The following CSF1 variants were observed in gnomAD, a reference collection of about 807,000 sequenced individuals.
CSF1 encodes the protein colony stimulating factor 1, also known as macrophage colony-stimulating factor 1.
A neutral mutation model predicts 48.9 loss-of-function variants in CSF1; 9 were observed. The observed-to-expected ratio is 0.18, with a 90% CI of 0.11 to 0.32. The LOEUF is 0.32. Ranked by LOEUF, CSF1 falls within the 10% of genes least tolerant of loss-of-function variation. The pLI is 1.00. For synonymous variants in CSF1, 305 were observed against 284.1 expected (o/e 1.07, Z -0.74); for missense variants, 672 against 697.9 (o/e 0.96, Z 0.42).
In CSF1 at chr1:109,923,357, C is replaced by T. The variant is rs1406178434; in HGVS notation, c.736C>T (p.Pro246Ser). 1 of 1,612,414 alleles carries T rather than the reference C, an allele frequency of 6.2e-7. No homozygotes were observed. The highest frequency in any genetic ancestry group is 1.3e-5 in the African/African-American group (1 of 75,026). The change falls in exon 6 of 9, where the codon CCA (proline) becomes TCA (serine). Residue 246 changes from proline to serine, a missense_variant. Physicochemically the swap from Pro to Ser is moderately conservative, Grantham distance 74 (BLOSUM62 -1). This residue lies in a region of CSF1 where 591 missense variants were observed against 593.6 expected (regional missense o/e 1.00). Coordinates refer to ENST00000329608, the MANE Select transcript of CSF1 (RefSeq NM_000757.6). Reference sequence around the variant, plus strand: ...TGAGCAGCCCCTGCACACAGTGGATCCAGGCAGTGCCAAGCAGCGGCCACC... The same window carrying T: ...TGAGCAGCCCCTGCACACAGTGGATTCAGGCAGTGCCAAGCAGCGGCCACC... ...PGEQPLHTVDPGSAKQRPPRS... is the reference protein window; with the variant it reads ...PGEQPLHTVDSGSAKQRPPRS...
At chr1:109,914,595 G>T (rs1654821436) in intron 2 of CSF1, among the ~76,000 whole-genome samples, 1 of 152,272 alleles carries the variant, frequency 6.6e-6, no homozygotes, top group African/African-American at 2.4e-5. Context: ...CTCTCTGACT[G>T]CCCTGCAGGC....
chr1:109,912,344 C>A (rs151326569), intron 1 of CSF1, among the ~76,000 whole-genome samples: 4 of 152,152 alleles, frequency 2.6e-5, no homozygotes, highest in South Asian at 2.1e-4. Context: ...ACTGAGGTGT[C>A]CTAGCATCTC....
intron 4 of CSF1, among the ~76,000 whole-genome samples, chr1:109,920,175 G>C (rs866748764): frequency 5.4e-4 from 81 of 149,830 alleles, no homozygotes; most frequent in African/African-American, 1.9e-3. Context: ...GAGGGAGAGT[G>C]AGAGTGAGAC....
chr1:109,914,166 G>A, intron 1 of CSF1, 93 bp from the exon 2 acceptor site: 1 of 1,366,956 alleles, frequency 7.3e-7, no homozygotes, highest in Admixed American at 2.5e-5. Context: ...TAGCATTGTA[G>A]ATATGAGGCC....
chr1:109,925,048 G>A, intron 7 of CSF1, 99 bp from the exon 8 acceptor site: 1 of 1,174,190 alleles, frequency 8.5e-7, no homozygotes, highest in African/African-American at 1.5e-5. Context: ...AATCTGAGAG[G>A]GCCTAGAGCA....
intron 2 of CSF1, 24 bp from the exon 3 acceptor site, chr1:109,915,610 T>C (rs1453986877): frequency 1.2e-6 from 2 of 1,607,148 alleles, no homozygotes; most frequent in Admixed American, 3.3e-5. Flanking sequence ...TACCCTGCAA[T>C]CGTTGGCCTG....
chr1:109,920,757 A>C (rs961451248), intron 4 of CSF1, among the ~76,000 whole-genome samples: 1 of 152,198 alleles, frequency 6.6e-6, no homozygotes, highest in Non-Finnish European at 1.5e-5. Context: ...TCTGTGATTC[A>C]GTGGCATTTA....
chr1:109,918,462 A>G (rs912269468), intron 4 of CSF1, among the ~76,000 whole-genome samples: 3 of 152,182 alleles, frequency 2.0e-5, no homozygotes, highest in Non-Finnish European at 4.4e-5. Context: ...GGAGGCTGGG[A>G]GACCAGCAGA....
rs749270157 is a variant in CSF1 at position 109,923,596 on chromosome 1, C to T, written c.975C>T (p.Pro325=). 1.2e-6 allele frequency: 2 copies of T among 1,614,196 alleles called. No individual in the cohort carries two copies. Among genetic ancestry groups the T allele is most frequent in the South Asian group, 2.2e-5 (2 of 91,088 alleles). The change falls in exon 6 of 9, where the codon CCC becomes CCT. Residue 325 remains proline (P), a synonymous_variant. Transcript: ENST00000329608. ...IPVPQGTELS[P]SRPGGGSMQT... ...TACCCCAAGGGACAGAGCTTTCCCC[C>T]TCCAGGCCAGGAGGGGGCAGCATGC...
chr1:109,914,054 G>T (rs967738572), intron 1 of CSF1, among the ~76,000 whole-genome samples: 2 of 152,208 alleles, frequency 1.3e-5, no homozygotes, highest in South Asian at 4.1e-4. Context: ...GGTGACATCT[G>T]GGTTGTTTTC....
At chr1:109,928,104 T>G (rs1006237509) in intron 8 of CSF1, among the ~76,000 whole-genome samples, 1 of 152,170 alleles carries the variant, frequency 6.6e-6, no homozygotes, top group African/African-American at 2.4e-5. Context: ...AGTCAAACTG[T>G]TGGATGGGGT....
intron 8 of CSF1, among the ~76,000 whole-genome samples, chr1:109,927,729 T>C (rs376631326): frequency 1.2e-4 from 19 of 152,128 alleles, no homozygotes; most frequent in African/African-American, 4.3e-4. Flanking sequence ...CTTGGAGAGA[T>C]TGAGTGCCAG....
chr1:109,914,352 A>C lies in CSF1; in HGVS notation c.133A>C (p.Ser45Arg). Residue 45 changes from serine to arginine, a missense_variant, in exon 2 of 9, where the codon AGT becomes CGT. Coordinates refer to ENST00000329608, the MANE Select transcript of CSF1 (RefSeq NM_000757.6). Reference sequence around the variant, plus strand: ...GGAGTACTGTAGCCACATGATTGGGAGTGGACACCTGCAGTCTCTGCAGCG... The same window carrying C: ...GGAGTACTGTAGCCACATGATTGGGCGTGGACACCTGCAGTCTCTGCAGCG... ...VSEYCSHMIG[S>R]GHLQSLQRLI... 6.2e-7 allele frequency: 1 copy of C among 1,606,110 alleles called. No homozygotes were observed. Among genetic ancestry groups the C allele is most frequent in the Non-Finnish European group, 8.5e-7 (1 of 1,176,204 alleles).
At chr1:109,917,490 T>G (rs369578988) in intron 4 of CSF1, 27 bp downstream of exon 4, 32 of 1,611,224 alleles carry the variant, frequency 2.0e-5, no homozygotes, top group Non-Finnish European at 2.5e-5. Context: ...CCTGGAGCAC[T>G]GAGTGAGGGC....
intron 5 of CSF1, 84 bp downstream of exon 5, chr1:109,922,078 A>G (rs1647574281): frequency 5.4e-6 from 8 of 1,474,348 alleles, no homozygotes; most frequent in African/African-American, 1.4e-5. Flanking sequence ...AGCTGGGGGG[A>G]CCCCTGGGGA....
chr1:109,924,995 T>C, intron 7 of CSF1, 152 bp from the exon 8 acceptor site: 2 of 1,024,948 alleles, frequency 2.0e-6, no homozygotes, highest in Non-Finnish European at 3.0e-6. Context: ...ATCTGGGCTT[T>C]TTCCTGATTT....
intron 4 of CSF1, among the ~76,000 whole-genome samples, chr1:109,918,264 AT>A (rs1172601505): frequency 1.3e-5 from 2 of 152,238 alleles, no homozygotes; most frequent in African/African-American, 4.8e-5. Flanking sequence ...GGTTATCAGC[AT>A]GGCCAGAGCA....
At chr1:109,919,403 A>AT (rs1470108343) in intron 4 of CSF1, among the ~76,000 whole-genome samples, 3 of 152,086 alleles carry the variant, frequency 2.0e-5, no homozygotes, top group Non-Finnish European at 4.4e-5. Flanking sequence ...ATGCCCAGCT[A>AT]TTTTTTGTAG....
chr1:109,918,565 T>G (rs1647363305), intron 4 of CSF1, among the ~76,000 whole-genome samples: 1 of 151,984 alleles, frequency 6.6e-6, no homozygotes, highest in Admixed American at 6.6e-5. Context: ...CCCGTGGGTT[T>G]AGGGGCAGAA....
Sources: allele counts gnomAD v4.1 joint callset (sites outside exome capture counted in the v4.1 genomes callset), GRCh38; gene constraint gnomAD v4.1.1; regional missense constraint gnomAD v4.1.1; transcripts MANE v1.5; gene names NCBI Gene and HGNC (gene_info 2026-07-23, HGNC 2026-07-21).